Variants in PTPRD observed in about 807,000 individuals in gnomAD.
PTPRD encodes the protein protein tyrosine phosphatase receptor type D.
PTPRD carries 34 observed loss-of-function variants against 214.5 expected under a neutral mutation model. The observed-to-expected ratio is 0.16, with a 90% confidence interval of 0.12 to 0.21. The LOEUF is 0.21. Ranked by LOEUF, PTPRD falls within the 10% of genes least tolerant of loss-of-function variation. The pLI, the probability that PTPRD is intolerant of heterozygous loss-of-function variation, is 1.00. For synonymous variants in PTPRD, 1,128 were observed against 845.7 expected (o/e 1.33, Z -5.79); for missense variants, 2,545 against 2,398.7 (o/e 1.06, Z -1.27).
chr9:8,326,069 G>A lies in PTPRD; in HGVS notation c.5534+5513C>T, dbSNP rs180823181. Among the ~76,000 whole-genome samples, 3 of 152,156 alleles carry A rather than the reference G, an allele frequency of 2.0e-5. No homozygotes were observed. In the East Asian group the frequency reaches 5.8e-4, roughly 30 times the overall value. ...AATTGAATAACATTTATTTCTTTCT[G>A]TTGCCTGACTGCCTTGGCCAGAACT... On this transcript the variant is annotated intron_variant, in intron 44 of 45. Coordinates refer to ENST00000381196, the MANE Select transcript of PTPRD (RefSeq NM_002839.4).
intron 10 of PTPRD, among the ~76,000 whole-genome samples, chr9:9,048,355 A>G (rs998210292): frequency 6.6e-6 from 1 of 152,200 alleles, no homozygotes; most frequent in Non-Finnish European, 1.5e-5. Flanking sequence ...CTGCACTCCT[A>G]TTTTTATTGT....
intron 11 of PTPRD, among the ~76,000 whole-genome samples, chr9:8,933,339 G>GTTTTTTTTTTTTTTTTTTTTTT (rs1567089304): frequency 7.3e-5 from 5 of 68,824 alleles, no homozygotes; most frequent in African/African-American, 1.0e-4. Flanking sequence ...ACAACCTTGA[G>GTTTTTTTTTTTTTTTTTTTTTT]GTTTTTTTTT....
intron 37 of PTPRD, 27 bp from the exon 38 acceptor site, chr9:8,376,753 G>C: frequency 6.2e-7 from 1 of 1,610,436 alleles, no homozygotes; most frequent in Non-Finnish European, 8.5e-7. Context: ...ACACATTCAG[G>C]GCAAATGCTC....
At chr9:9,255,767 T>C (rs956698553) in intron 9 of PTPRD, among the ~76,000 whole-genome samples, 4 of 152,058 alleles carry the variant, frequency 2.6e-5, no homozygotes, top group African/African-American at 9.7e-5. Flanking sequence ...ACTATTGGCA[T>C]AAATAATTCC....
At chr9:9,819,462 T>C (rs1214770892) in intron 5 of PTPRD, among the ~76,000 whole-genome samples, 1 of 152,218 alleles carries the variant, frequency 6.6e-6, no homozygotes, top group Non-Finnish European at 1.5e-5. Flanking sequence ...ACTGCATATA[T>C]TGCTGTAATA....
intron 2 of PTPRD, among the ~76,000 whole-genome samples, chr9:10,500,379 G>C (rs1056066764): frequency 1.3e-5 from 2 of 151,792 alleles, no homozygotes; most frequent in Non-Finnish European, 2.9e-5. Flanking sequence ...AAGTTTCAGA[G>C]GGTTCATGGA....
chr9:8,331,704 C>A lies in PTPRD; in HGVS notation c.5412G>T (p.Gln1804His), dbSNP rs764915546. The A allele has an allele frequency of 1.2e-6, 2 of 1,613,068 alleles. No homozygotes were observed. Among genetic ancestry groups the A allele is most frequent in the Admixed American group, 3.3e-5 (2 of 59,870 alleles). Residue 1804 changes from glutamine to histidine, a missense_variant, in exon 44 of 46, where the codon CAG becomes CAT. Physicochemically the swap from Gln to His is conservative, Grantham distance 24. Coordinates refer to ENST00000381196, the MANE Select transcript of PTPRD (RefSeq NM_002839.4). ...DGQSRTVRQF[Q>H]FTDWPEQGVP... Reference sequence around the variant, plus strand: ...CTCCTTGCTCTGGCCAGTCAGTGAACTGGAACTGCCTTACTGTTCGGGACT... The same window carrying A: ...CTCCTTGCTCTGGCCAGTCAGTGAAATGGAACTGCCTTACTGTTCGGGACT...
intron 14 of PTPRD, among the ~76,000 whole-genome samples, chr9:8,543,467 A>G (rs1404334387): frequency 6.6e-6 from 1 of 152,200 alleles, no homozygotes; most frequent in Non-Finnish European, 1.5e-5. Flanking sequence ...TAAATAATGT[A>G]TGTGCATTCA....
At chr9:9,005,908 T>C (rs2099462140) in intron 11 of PTPRD, among the ~76,000 whole-genome samples, 1 of 152,002 alleles carries the variant, frequency 6.6e-6, no homozygotes, top group Non-Finnish European at 1.5e-5. Flanking sequence ...TATAGAAAAA[T>C]AAAGCCATAT....
At chr9:9,109,176 T>C (rs2099802717) in intron 10 of PTPRD, among the ~76,000 whole-genome samples, 1 of 152,222 alleles carries the variant, frequency 6.6e-6, no homozygotes, top group Non-Finnish European at 1.5e-5. Flanking sequence ...GATTAGGATC[T>C]TGAGAGCTTT....
Position 10,612,030 on chromosome 9 carries a change from G to T in PTPRD, c.-600+368C>A, listed in dbSNP as rs114179216. Among the ~76,000 whole-genome samples the T allele has an allele frequency of 8.1e-3, 1,230 of 151,512 alleles. 22 individuals carry two copies. The highest frequency in any genetic ancestry group is 0.028 in the African/African-American group (1,170 of 41,282). ...TGAGGTTGAAGGTGGCAGGAGAAGT[G>T]AGCCAGTAGGGTTAGATTTTTCAAG... On this transcript the variant is annotated intron_variant, in intron 2 of 45. Coordinates refer to ENST00000381196, the MANE Select transcript of PTPRD (RefSeq NM_002839.4).
intron 27 of PTPRD, among the ~76,000 whole-genome samples, chr9:8,490,589 G>C (rs1356100127): frequency 6.6e-6 from 1 of 152,126 alleles, no homozygotes; most frequent in Non-Finnish European, 1.5e-5. Flanking sequence ...TGAATTTTCT[G>C]TTTGCCTTTA....
intron 3 of PTPRD, among the ~76,000 whole-genome samples, chr9:10,276,558 C>G (rs568914122): frequency 5.3e-5 from 8 of 152,256 alleles, no homozygotes; most frequent in Non-Finnish European, 1.5e-5. Context: ...CCTCTAGGTA[C>G]TTCTATAATC....
intron 11 of PTPRD, among the ~76,000 whole-genome samples, chr9:8,792,034 C>A (rs1445785870): frequency 6.6e-6 from 1 of 152,150 alleles, no homozygotes; most frequent in Admixed American, 6.5e-5. Context: ...GTGAAATTAT[C>A]TGTCACAATC....
chr9:8,821,686 A>G lies in PTPRD; in HGVS notation c.-103-87740T>C, dbSNP rs537178774. Among the ~76,000 whole-genome samples, 7 of 152,234 alleles carry G rather than the reference A, an allele frequency of 4.6e-5. No homozygotes were observed. The East Asian group carries it at 1.4e-3, about 29-fold the overall frequency. On this transcript the variant is annotated intron_variant, in intron 11 of 45. Transcript: ENST00000381196. ...CCAATAAGTTCCTTCAACTTCAGGA[A>G]ACAGAGTCTCGCTCTGTTGCCCAGG...
intron 11 of PTPRD, among the ~76,000 whole-genome samples, chr9:8,737,022 C>T (rs1317691467): frequency 6.6e-6 from 1 of 152,132 alleles, no homozygotes; most frequent in Non-Finnish European, 1.5e-5. Context: ...TCTGTGCAAG[C>T]GTATCAGAGC....
intron 22 of PTPRD, among the ~76,000 whole-genome samples, chr9:8,506,604 T>C (rs772989938): frequency 3.9e-5 from 6 of 152,160 alleles, no homozygotes; most frequent in Non-Finnish European, 5.9e-5. Flanking sequence ...TTATTATACG[T>C]CAAATCGATT....
intron 9 of PTPRD, among the ~76,000 whole-genome samples, chr9:9,190,335 G>C (rs998506204): frequency 1.3e-5 from 2 of 152,016 alleles, no homozygotes; most frequent in African/African-American, 2.4e-5. Flanking sequence ...CCCAGGGGGA[G>C]GTAAGTGAAT....
intron 6 of PTPRD, among the ~76,000 whole-genome samples, chr9:9,759,958 C>T (rs1565047895): frequency 6.6e-6 from 1 of 152,046 alleles, no homozygotes; most frequent in African/African-American, 2.4e-5. Context: ...TCTTTCTTTC[C>T]TTCTCCTCTA....
Sources: gnomAD v4.1 joint callset for allele counts (sites outside exome capture counted in the v4.1 genomes callset) on GRCh38, gnomAD v4.1.1 for gene constraint, MANE v1.5 for transcripts, NCBI Gene and HGNC (gene_info 2026-07-23, HGNC 2026-07-21) for gene names.